Variants in KGD4 observed in about 807,000 individuals in gnomAD.
KGD4 encodes alpha-ketoglutarate dehydrogenase component 4.
At chr5:69,226,090 T>C in the KGD4 span, among the ~76,000 whole-genome samples, 14 of 152,188 alleles carry the variant, frequency 9.2e-5, no homozygotes, top group African/African-American at 1.4e-4. Context: ...ATCTCCTCCA[T>C]TGGGTTGCTT....
At chr5:69,224,676 T>C in the KGD4 span, among the ~76,000 whole-genome samples, 1 of 151,870 alleles carries the variant, frequency 6.6e-6, no homozygotes, top group African/African-American at 2.4e-5. Flanking sequence ...GAAGATTGCT[T>C]GTACCTAGGA....
the KGD4 span, among the ~76,000 whole-genome samples, chr5:69,223,775 T>A: frequency 1.3e-5 from 2 of 152,072 alleles, no homozygotes. Context: ...AAATATGTAT[T>A]CCAGGCCAGG....
At chr5:69,228,998 G>C in the KGD4 span, among the ~76,000 whole-genome samples, 1 of 110,882 alleles carries the variant, frequency 9.0e-6, no homozygotes, top group East Asian at 3.2e-4. Flanking sequence ...TTGGGCAAGA[G>C]TGAAACTCCG....
At chr5:69,218,582 T>C in the KGD4 span, among the ~76,000 whole-genome samples, 1 of 152,144 alleles carries the variant, frequency 6.6e-6, no homozygotes, top group Non-Finnish European at 1.5e-5. Flanking sequence ...TATCAGCTAC[T>C]AACTCCTGAT....
the KGD4 span, among the ~76,000 whole-genome samples, chr5:69,219,637 A>G: frequency 6.6e-6 from 1 of 152,172 alleles, no homozygotes; most frequent in East Asian, 1.9e-4. Context: ...CATAGGAACA[A>G]AGACCTGTAC....
chr5:69,230,050 C>G, the KGD4 span: 1 of 151,896 alleles, frequency 6.6e-6, no homozygotes, highest in South Asian at 2.1e-4. Context: ...AACATATTTA[C>G]TTATTAAGCA....
At chr5:69,222,318 T>C in the KGD4 span, among the ~76,000 whole-genome samples, 3 of 152,096 alleles carry the variant, frequency 2.0e-5, no homozygotes, top group African/African-American at 4.8e-5. Context: ...GTCAGAAGGA[T>C]AGGCATGGAA....
chr5:69,218,615 G>A, the KGD4 span, among the ~76,000 whole-genome samples: 1 of 151,968 alleles, frequency 6.6e-6, no homozygotes, highest in Non-Finnish European at 1.5e-5. Flanking sequence ...TGTTTCTTCA[G>A]CTGTGGTTCT....
At chr5:69,226,734 A>G in the KGD4 span, among the ~76,000 whole-genome samples, 1 of 152,198 alleles carries the variant, frequency 6.6e-6, no homozygotes, top group Non-Finnish European at 1.5e-5. Flanking sequence ...CTATAGTCCC[A>G]GCTACTCGGG....
chr5:69,219,347 G>A, the KGD4 span, among the ~76,000 whole-genome samples: 1 of 152,150 alleles, frequency 6.6e-6, no homozygotes, highest in Non-Finnish European at 1.5e-5. Flanking sequence ...AAAAAAAAGA[G>A]TTACTAGCAA....
chr5:69,225,033 C>T, the KGD4 span, among the ~76,000 whole-genome samples: 10 of 149,156 alleles, frequency 6.7e-5, no homozygotes, highest in East Asian at 2.0e-4. Context: ...GAGATCGTGC[C>T]GCTGCACTCC....
chr5:69,222,942 AT>A, the KGD4 span, among the ~76,000 whole-genome samples: 1 of 143,582 alleles, frequency 7.0e-6, no homozygotes, highest in East Asian at 2.1e-4. Context: ...CGCCCGGCTA[AT>A]TTTTTTATTT....
At chr5:69,225,814 C>T in the KGD4 span, among the ~76,000 whole-genome samples, 1 of 152,168 alleles carries the variant, frequency 6.6e-6, no homozygotes, top group Non-Finnish European at 1.5e-5. Context: ...CTCCTGACCT[C>T]GTGATCCGTC....
At chr5:69,217,800 C>A in the KGD4 span, 1 of 1,613,334 alleles carries the variant, frequency 6.2e-7, no homozygotes, top group Admixed American at 1.7e-5. Context: ...GGCTCGCTCG[C>A]GCCCCGGAAA....
the KGD4 span, among the ~76,000 whole-genome samples, chr5:69,228,851 C>T: frequency 6.6e-6 from 1 of 151,846 alleles, no homozygotes; most frequent in Admixed American, 6.6e-5. Context: ...CTCGTCTCTA[C>T]TGAAAATACA....
chr5:69,218,183 G>C, the KGD4 span: 1 of 404,702 alleles, frequency 2.5e-6, no homozygotes, highest in Non-Finnish European at 4.4e-6. Flanking sequence ...GCGTGTGCGG[G>C]TGAGGCGACC....
At chr5:69,222,809 C>T in the KGD4 span, among the ~76,000 whole-genome samples, 1 of 148,426 alleles carries the variant, frequency 6.7e-6, no homozygotes, top group South Asian at 2.3e-4. Context: ...TTTTTTGAGA[C>T]AGAGCCTCTC....
At chr5:69,221,659 C>T in the KGD4 span, among the ~76,000 whole-genome samples, 1 of 151,908 alleles carries the variant, frequency 6.6e-6, no homozygotes, top group Admixed American at 6.6e-5. Flanking sequence ...ACTATAAAAC[C>T]CTTAGAATAT....
the KGD4 span, among the ~76,000 whole-genome samples, chr5:69,227,409 ATTGCC>A: frequency 1.3e-5 from 2 of 151,844 alleles, no homozygotes; most frequent in Admixed American, 6.6e-5. Flanking sequence ...TATTTTTTGG[ATTGCC>A]TTAATCCTTA....
Sources: allele counts gnomAD v4.1 joint callset (sites outside exome capture counted in the v4.1 genomes callset), GRCh38; gene constraint gnomAD v4.1.1; transcripts MANE v1.5; gene names NCBI Gene and HGNC (gene_info 2026-07-23, HGNC 2026-07-21).